Variants in OTULIN observed in about 807,000 individuals in gnomAD.
OTULIN encodes ubiquitin thioesterase otulin.
A neutral mutation model predicts 39.6 loss-of-function variants in OTULIN; 15 were observed. That is an observed-to-expected ratio of 0.38 (90% CI 0.25 to 0.58). OTULIN has a LOEUF of 0.58. Among genes scored for constraint, OTULIN ranks in the 20% least tolerant of loss-of-function variants. The pLI, the probability that OTULIN is intolerant of heterozygous loss-of-function variation, is 0.66. For synonymous variants in OTULIN, 156 were observed against 170.3 expected, an observed-to-expected ratio of 0.92 and a Z score of 0.65; for missense variants, 319 against 445.9, an observed-to-expected ratio of 0.72 and a Z score of 2.56.
At chr5:14,676,959 C>T (rs1736118628) in intron 2 of OTULIN, among the ~76,000 whole-genome samples, 1 of 152,124 alleles carries the variant, frequency 6.6e-6, no homozygotes. Flanking sequence ...GTATATTATA[C>T]CTCAGGAGTC....
Position 14,694,044 on chromosome 5 carries a change from T to A in OTULIN, c.*996T>A, listed in dbSNP as rs781201171. 7.2e-5 allele frequency: 11 copies of A among 152,218 alleles called. No individual in the cohort carries two copies. Among genetic ancestry groups the A allele is most frequent in the Non-Finnish European group, 1.6e-4 (11 of 68,060 alleles). 9.4% of individuals were successfully genotyped at this position (152,218 alleles called of 1,614,324 possible). A position where few individuals can be genotyped will look rare whatever the true frequency, so the allele number is the denominator to read the frequency against. On this transcript the variant is annotated 3_prime_UTR_variant, in exon 7 of 7. Transcript: ENST00000284274. ...GAGGTAGGGCTTAGCTGGACCTGGGTTTTCCTATGCTCTTTTCATGCTGTG... is the reference window on the plus strand; with the variant it reads ...GAGGTAGGGCTTAGCTGGACCTGGGATTTCCTATGCTCTTTTCATGCTGTG...
chr5:14,670,695 C>T (rs1189098808), intron 1 of OTULIN, among the ~76,000 whole-genome samples: 1 of 152,132 alleles, frequency 6.6e-6, no homozygotes. Flanking sequence ...GCCTCCAACT[C>T]CTAGGCTTAA....
At chr5:14,673,054 G>A (rs1271311991) in intron 1 of OTULIN, among the ~76,000 whole-genome samples, 1 of 152,062 alleles carries the variant, frequency 6.6e-6, no homozygotes, top group Non-Finnish European at 1.5e-5. Context: ...CGGTAGTAGC[G>A]GACAGTGGGA....
At chr5:14,702,484 C>T (rs1210530147), downstream of OTULIN, among the ~76,000 whole-genome samples, 1 of 152,144 alleles carries the variant, frequency 6.6e-6, no homozygotes, top group South Asian at 2.1e-4. Flanking sequence ...ATTGGGCCTG[C>T]CAGCCATTTG....
chr5:14,708,468 GTTTC>G, the OTULIN span: 1 of 152,204 alleles, frequency 6.6e-6, no homozygotes, highest in Non-Finnish European at 1.5e-5. Flanking sequence ...TTGGGGGAAT[GTTTC>G]TTTGGTCACA....
chr5:14,672,065 C>T lies in OTULIN; in HGVS notation c.153-1577C>T, dbSNP rs139113339. On this transcript the variant is annotated intron_variant, in intron 1 of 6. Transcript: ENST00000284274. ...CTAATTCCTGGGTCCCCACTCCAAT[C>T]ATTGCACTCTGCATGCAGAGGGCTT... Among the ~76,000 whole-genome samples, 740 of 152,216 alleles carry T rather than the reference C, an allele frequency of 4.9e-3. 6 individuals carry two copies. Among genetic ancestry groups the T allele is most frequent in the African/African-American group, 0.017 (691 of 41,514 alleles).
At chr5:14,711,348 T>C in the OTULIN span, 1 of 1,552,754 alleles carries the variant, frequency 6.4e-7, no homozygotes, top group Non-Finnish European at 8.9e-7. Context: ...GGGCTGTGGA[T>C]GGGGACACTG....
chr5:14,713,755 G>C, the OTULIN span: 3 of 1,582,374 alleles, frequency 1.9e-6, no homozygotes, highest in Admixed American at 1.7e-5. This position sits in a 1 kb window ranked among gnomAD's most constrained non-coding sequence, Gnocchi z 4.4. Context: ...ACATCCGAGA[G>C]CCAGGGGCTG....
In OTULIN at chr5:14,690,902, T is replaced by A. The variant is rs1360038703; in HGVS notation, c.864+594T>A. On this transcript the variant is annotated intron_variant, in intron 6 of 6. Coordinates refer to ENST00000284274, the MANE Select transcript of OTULIN (RefSeq NM_138348.6). The surrounding 1 kb of genome is among the most constrained non-coding windows in gnomAD (Gnocchi z 4.5). ...GGTGGATGGGATTAGTACTCTTGGCTCTGGGAGGCTACAAATAAGTGAAGT... is the reference window on the plus strand; with the variant it reads ...GGTGGATGGGATTAGTACTCTTGGCACTGGGAGGCTACAAATAAGTGAAGT... 1.3e-5 allele frequency among the ~76,000 whole-genome samples: 2 copies of A among 152,196 alleles called. No individual in the cohort carries two copies. The highest frequency in any genetic ancestry group is 2.9e-5 in the Non-Finnish European group (2 of 68,028).
At chr5:14,706,526 G>A in the OTULIN span, 18 of 152,178 alleles carry the variant, frequency 1.2e-4, no homozygotes, top group African/African-American at 2.9e-4. Flanking sequence ...TTATCATCTC[G>A]TTTTTCCCTT....
intron 5 of OTULIN, among the ~76,000 whole-genome samples, chr5:14,688,117 T>G (rs10038170): frequency 0.022 from 3,362 of 152,202 alleles, 134 homozygotes; most frequent in African/African-American, 0.077. Flanking sequence ...GTCCTGAGAG[T>G]TTTTCTGAAA....
At chr5:14,715,877 A>C in the OTULIN span, among the ~76,000 whole-genome samples, 1 of 152,362 alleles carries the variant, frequency 6.6e-6, no homozygotes, top group East Asian at 1.9e-4. Context: ...CTTTTGTCTC[A>C]GCCATGGGCA....
Position 14,681,544 on chromosome 5 carries a change from G to C in OTULIN, c.405G>C (p.Leu135=), listed in dbSNP as rs115519180. 6.5e-4 allele frequency: 1,048 copies of C among 1,614,120 alleles called. 2 individuals carry two copies. In the African/African-American group the frequency reaches 8.7e-3, roughly 13 times the overall value. Residue 135 remains leucine, a synonymous_variant, in exon 4 of 7, where the codon CTG becomes CTC. Coordinates refer to ENST00000284274, the MANE Select transcript of OTULIN (RefSeq NM_138348.6). ...ATTACTGTGCACTGAGGGCCACGCT[G>C]TTCCAGGCCATGAGCCAGGCTGTGG... The part of the protein sequence containing the change: ...GDNYCALRAT[L]FQAMSQAVGL...
At position 14,664,988 on chromosome 5, in the gene OTULIN, G is replaced by GGGGGCGC. The variant is rs535246159; in HGVS notation, c.152+22_152+28dup. 2.1e-4 allele frequency: 221 copies of GGGGGCGC among 1,053,272 alleles called. No homozygotes were observed. In the East Asian group the frequency reaches 8.2e-3, roughly 39 times the overall value. The allele number at this position is 1,053,272 out of a possible 1,614,324, so 65.2% of individuals were successfully genotyped here. On this transcript the variant is annotated intron_variant, in intron 1 of 6. Transcript: ENST00000284274. The stretch of plus-strand genomic sequence containing the variant: ...GTGCCCGGCCGAGCAGTGAGTCCGC[G>GGGGGCGC]GGGGCGCGGGGCGCGGGCCGTGGGC...
chr5:14,674,968 C>G (rs1305099748), intron 2 of OTULIN, among the ~76,000 whole-genome samples: 1 of 152,070 alleles, frequency 6.6e-6, no homozygotes, highest in Admixed American at 6.5e-5. Flanking sequence ...GATTAGGAAA[C>G]AAAAGGAAGT....
At chr5:14,714,717 T>G in the OTULIN span, among the ~76,000 whole-genome samples, 1 of 152,164 alleles carries the variant, frequency 6.6e-6, no homozygotes, top group Non-Finnish European at 1.5e-5. Flanking sequence ...CCCAGGCATA[T>G]GCTAAACTGG....
chr5:14,692,016 T>G (rs1200392173), intron 6 of OTULIN, among the ~76,000 whole-genome samples: 1 of 152,246 alleles, frequency 6.6e-6, no homozygotes, highest in African/African-American at 2.4e-5. Context: ...TTGGATTGTT[T>G]CCACTTTTTA....
At chr5:14,680,002 T>G (rs1268774913) in intron 3 of OTULIN, among the ~76,000 whole-genome samples, 1 of 152,238 alleles carries the variant, frequency 6.6e-6, no homozygotes, top group Non-Finnish European at 1.5e-5. Context: ...AGCTTTCACC[T>G]CCATTCTATT....
At chr5:14,708,010 A>G in the OTULIN span, 24 of 152,288 alleles carry the variant, frequency 1.6e-4, no homozygotes, top group East Asian at 7.7e-4. Flanking sequence ...AAATCCGTCA[A>G]TACTCCCTGA....
Sources: gnomAD v4.1 joint callset for allele counts (sites outside exome capture counted in the v4.1 genomes callset) on GRCh38, gnomAD v4.1.1 for gene constraint, Gnocchi (gnomAD v3.1) non-coding constraint, MANE v1.5 for transcripts, NCBI Gene and HGNC (gene_info 2026-07-23, HGNC 2026-07-21) for gene names.